The following CTNNA2 variants were observed in gnomAD, a reference collection of about 807,000 sequenced individuals.
CTNNA2 encodes catenin alpha-2.
In CTNNA2, 42 loss-of-function variants were observed where a neutral mutation model predicts 101.0. The ratio of observed to expected loss-of-function variants is 0.42; its 90% CI spans 0.32 to 0.54. The LOEUF (loss-of-function observed/expected upper bound fraction) is 0.54, where lower values mean the gene tolerates loss of function less well. Among genes scored for constraint, CTNNA2 ranks in the 20% least tolerant of loss-of-function variants. The pLI, the probability that CTNNA2 is intolerant of heterozygous loss-of-function variation, is 0.14. For synonymous variants in CTNNA2, 450 were observed against 456.4 expected, an observed-to-expected ratio of 0.99 and a Z score of 0.18; for missense variants, 871 against 1,223.1, an observed-to-expected ratio of 0.71 and a Z score of 4.29.
In CTNNA2 at chr2:80,545,065, G is replaced by T; in HGVS notation, c.1374G>T (p.Leu458=). The T allele has an allele frequency of 6.2e-7, 1 of 1,613,922 alleles. No homozygotes were observed. Among genetic ancestry groups the T allele is most frequent in the Non-Finnish European group, 8.5e-7 (1 of 1,179,900 alleles). ...VRMAATQIDS[L]CPQVINAALT... ...TGGCAGCCACCCAGATTGACAGCCT[G>T]TGTCCCCAGGTAAGCCTCATTCACT... The change falls in exon 10 of 19, where the codon CTG becomes CTT. Residue 458 remains leucine, a synonymous_variant. Coordinates refer to ENST00000402739, the MANE Select transcript of CTNNA2 (RefSeq NM_001282597.3).
At chr2:80,538,175 C>G (rs889083815) in intron 9 of CTNNA2, among the ~76,000 whole-genome samples, 1 of 151,802 alleles carries the variant, frequency 6.6e-6, no homozygotes, top group African/African-American at 2.4e-5. Flanking sequence ...TTTAGGTTGC[C>G]TGTTCACTCT....
chr2:79,470,202 G>A (rs188898121), intron 4 of CTNNA2, among the ~76,000 whole-genome samples: 1 of 152,294 alleles, frequency 6.6e-6, no homozygotes, highest in Non-Finnish European at 1.5e-5. Flanking sequence ...TCAAGCAGCA[G>A]TAATTTATGA....
intron 1 of CTNNA2, among the ~76,000 whole-genome samples, chr2:79,619,727 C>A (rs1678871361): frequency 6.6e-6 from 1 of 152,186 alleles, no homozygotes; most frequent in Admixed American, 6.5e-5. Flanking sequence ...ATGGCTCAGA[C>A]AGATTTTGCA....
intron 2 of CTNNA2, among the ~76,000 whole-genome samples, chr2:79,250,232 T>C (rs988022685): frequency 1.5e-5 from 2 of 136,570 alleles, no homozygotes; most frequent in Non-Finnish European, 3.1e-5. Flanking sequence ...TTGTAGCCTA[T>C]TTAGGCATTT....
intron 7 of CTNNA2, among the ~76,000 whole-genome samples, chr2:80,175,679 CATGATCACAAGGTG>C (rs1353205186): frequency 6.6e-6 from 1 of 152,162 alleles, no homozygotes; most frequent in Non-Finnish European, 1.5e-5. Flanking sequence ...TACTGACTCA[CATGATCACAAGGTG>C]AAGTCCCACG....
At chr2:79,499,174 G>A (rs1671290954) in intron 4 of CTNNA2, 1 of 152,102 alleles carries the variant, frequency 6.6e-6, no homozygotes, top group Non-Finnish European at 1.5e-5. Context: ...CCTTTTCACT[G>A]ACCTCTTTTA....
intron 7 of CTNNA2, among the ~76,000 whole-genome samples, chr2:80,277,617 T>C (rs1415232228): frequency 6.8e-6 from 1 of 147,104 alleles, no homozygotes; most frequent in African/African-American, 2.5e-5. Context: ...AACTGGATCC[T>C]AAAAGGAGAA....
At chr2:79,648,885 T>C (rs1204266422) in intron 1 of CTNNA2, among the ~76,000 whole-genome samples, 2 of 152,204 alleles carry the variant, frequency 1.3e-5, no homozygotes, top group East Asian at 3.9e-4. Flanking sequence ...GACTTATTTT[T>C]CCACTTCAAC....
At chr2:79,614,542 CTATT>C (rs1678493934) in intron 1 of CTNNA2, among the ~76,000 whole-genome samples, 1 of 151,934 alleles carries the variant, frequency 6.6e-6, no homozygotes, top group Non-Finnish European at 1.5e-5. Flanking sequence ...AGAAATGTGA[CTATT>C]TATTGAGAAT....
chr2:80,418,938 C>G (rs1037295459), intron 8 of CTNNA2, among the ~76,000 whole-genome samples: 1 of 152,174 alleles, frequency 6.6e-6, no homozygotes. Context: ...TGGGCACAAA[C>G]AGTTTTGAGA....
In CTNNA2 at chr2:79,668,156, C is replaced by A. The variant is rs533952493; in HGVS notation, c.102+16498C>A. On this transcript the variant is annotated intron_variant, in intron 2 of 18. Coordinates refer to ENST00000402739, the MANE Select transcript of CTNNA2 (RefSeq NM_001282597.3). Reference sequence around the variant, plus strand: ...TCGGGAGGCTGAGGCAGGAGAATGGCGTGAACCCAGGAAGTGGAGCTTGCA... The same window carrying A: ...TCGGGAGGCTGAGGCAGGAGAATGGAGTGAACCCAGGAAGTGGAGCTTGCA... Among the ~76,000 whole-genome samples, 320 of 142,912 alleles carry A rather than the reference C, an allele frequency of 2.2e-3. 3 individuals carry two copies. The highest frequency in any genetic ancestry group is 4.6e-3 in the East Asian group (20 of 4,360). The allele number at this position is 142,912 out of a possible 152,430, so 93.8% of individuals were successfully genotyped here.
chr2:79,978,236 G>T (rs1239725772), intron 7 of CTNNA2, among the ~76,000 whole-genome samples: 1 of 152,040 alleles, frequency 6.6e-6, no homozygotes, highest in Admixed American at 6.6e-5. Flanking sequence ...TATTTGTCTT[G>T]CACGGATTAC....
intron 7 of CTNNA2, among the ~76,000 whole-genome samples, chr2:80,143,844 G>GACA (rs1392272497): frequency 6.6e-6 from 1 of 152,124 alleles, no homozygotes; most frequent in African/African-American, 2.4e-5. Context: ...CAGTAAGTGT[G>GACA]ACAACTTACT....
At chr2:79,934,862 A>G (rs1041562856) in intron 7 of CTNNA2, among the ~76,000 whole-genome samples, 23 of 152,252 alleles carry the variant, frequency 1.5e-4, no homozygotes, top group African/African-American at 5.1e-4. Context: ...TTTAGAATAA[A>G]TGCACCAAGG....
chr2:80,629,085 C>T (rs956318149), intron 18 of CTNNA2, among the ~76,000 whole-genome samples: 4 of 152,168 alleles, frequency 2.6e-5, no homozygotes, highest in Middle Eastern at 3.4e-3. Context: ...GCACAGGGTC[C>T]AGAATGTAGG....
At chr2:80,386,466 A>G (rs531823642) in intron 7 of CTNNA2, among the ~76,000 whole-genome samples, 1 of 152,336 alleles carries the variant, frequency 6.6e-6, no homozygotes, top group African/African-American at 2.4e-5. Context: ...TTCTATAAAT[A>G]ATGGTGCTAT....
chr2:79,290,115 G>A (rs1028331786), intron 2 of CTNNA2, among the ~76,000 whole-genome samples: 2 of 152,104 alleles, frequency 1.3e-5, no homozygotes, highest in African/African-American at 2.4e-5. Flanking sequence ...AGTTTACACC[G>A]TAGGCTCTTA....
At chr2:80,571,757 G>C (rs760685881) in intron 12 of CTNNA2, among the ~76,000 whole-genome samples, 82 of 152,190 alleles carry the variant, frequency 5.4e-4, no homozygotes, top group Admixed American at 3.6e-3. Flanking sequence ...CAGATGTACT[G>C]TCTGTGGATC....
chr2:80,099,870 C>A (rs1263434106), intron 7 of CTNNA2, among the ~76,000 whole-genome samples: 1 of 151,890 alleles, frequency 6.6e-6, no homozygotes, highest in Non-Finnish European at 1.5e-5. Flanking sequence ...AATCATATTA[C>A]TGGGCCCGAC....
Sources: allele counts gnomAD v4.1 joint callset (sites outside exome capture counted in the v4.1 genomes callset), GRCh38; gene constraint gnomAD v4.1.1; transcripts MANE v1.5; gene names NCBI Gene and HGNC (gene_info 2026-07-23, HGNC 2026-07-21).